MAD1L1: variants seen among roughly 807,000 people sequenced by gnomAD.
The protein encoded by MAD1L1 is mitotic spindle assembly checkpoint protein MAD1.
MAD1L1 carries 95 observed loss-of-function variants against 96.9 expected under a neutral mutation model. The ratio of observed to expected loss-of-function variants is 0.98; its 90% CI spans 0.83 to 1.16. The LOEUF (loss-of-function observed/expected upper bound fraction) is 1.16. MAD1L1 is among the 50% of genes most tolerant of loss of function. MAD1L1 has a pLI of 0.00. For missense variants in MAD1L1, 1,007 were observed against 954.4 expected (o/e 1.06, Z -0.73); for synonymous variants, 473 against 396.6 (o/e 1.19, Z -2.29).
chr7:2,097,237 C>T (rs569750622), intron 11 of MAD1L1, among the ~76,000 whole-genome samples: 42 of 152,146 alleles, frequency 2.8e-4, no homozygotes, highest in Non-Finnish European at 5.0e-4. Context: ...CACCCCACGG[C>T]ACCCAAGCAC....
intron 16 of MAD1L1, among the ~76,000 whole-genome samples, chr7:1,952,823 G>A (rs914209756): frequency 6.6e-6 from 1 of 152,248 alleles, no homozygotes; most frequent in African/African-American, 2.4e-5. Context: ...AGGTTCAGGA[G>A]AAAGAGCCGA....
At chr7:2,163,815 C>A (rs546240636) in intron 10 of MAD1L1, among the ~76,000 whole-genome samples, 43 of 152,260 alleles carry the variant, frequency 2.8e-4, no homozygotes, top group Non-Finnish European at 5.9e-4. Context: ...CCCCTCCTCA[C>A]CATGCGAATC....
chr7:2,046,444 G>A (rs1011942554), intron 12 of MAD1L1, among the ~76,000 whole-genome samples: 1 of 150,428 alleles, frequency 6.6e-6, no homozygotes, highest in Non-Finnish European at 1.5e-5. Flanking sequence ...GGCTCCGGCT[G>A]GGGCACTGCC....
intron 12 of MAD1L1, among the ~76,000 whole-genome samples, chr7:2,025,653 A>T (rs2128503898): frequency 6.6e-6 from 1 of 152,356 alleles, no homozygotes; most frequent in Non-Finnish European, 1.5e-5. Flanking sequence ...ATATAAATGA[A>T]TATACAAAAA....
At chr7:2,001,631 A>G (rs1781797585) in intron 14 of MAD1L1, among the ~76,000 whole-genome samples, 1 of 152,236 alleles carries the variant, frequency 6.6e-6, no homozygotes, top group Non-Finnish European at 1.5e-5. Flanking sequence ...GTCAGGACCC[A>G]TGCTGAGTGG....
At chr7:2,151,995 C>A (rs1399531957) in intron 10 of MAD1L1, among the ~76,000 whole-genome samples, 1 of 150,444 alleles carries the variant, frequency 6.6e-6, no homozygotes, top group Non-Finnish European at 1.5e-5. Context: ...TCCACATTCC[C>A]ACCGACTCTG....
intron 18 of MAD1L1, among the ~76,000 whole-genome samples, chr7:1,893,547 A>AG (rs1166089960): frequency 6.6e-6 from 1 of 152,126 alleles, no homozygotes. Context: ...TGGGTGGGGC[A>AG]GGGGGCCTGT....
At chr7:2,192,119 G>A (rs779391646) in intron 10 of MAD1L1, among the ~76,000 whole-genome samples, 2 of 151,842 alleles carry the variant, frequency 1.3e-5, no homozygotes, top group Non-Finnish European at 2.9e-5. Flanking sequence ...ATAAATCCAT[G>A]GGGTTTTTTG....
intron 15 of MAD1L1, among the ~76,000 whole-genome samples, chr7:1,966,745 G>A (rs1020469586): frequency 5.9e-5 from 9 of 152,232 alleles, no homozygotes; most frequent in Admixed American, 2.0e-4. Context: ...CGATTCGAGC[G>A]TCTGCAAATC....
At chr7:1,875,232 C>T (rs1203912569) in intron 18 of MAD1L1, among the ~76,000 whole-genome samples, 1 of 152,240 alleles carries the variant, frequency 6.6e-6, no homozygotes, top group African/African-American at 2.4e-5. Context: ...TGCCCGCCCC[C>T]ACGGCTGCAC....
chr7:2,012,103 A>G (rs1446442726), intron 13 of MAD1L1, among the ~76,000 whole-genome samples: 2 of 152,204 alleles, frequency 1.3e-5, no homozygotes, highest in Non-Finnish European at 2.9e-5. Flanking sequence ...GGGAGGGGCA[A>G]GGTCCGCAAC....
intron 2 of MAD1L1, 97 bp downstream of exon 2, chr7:2,230,452 C>T (rs1292697677): frequency 6.5e-6 from 2 of 306,240 alleles, no homozygotes; most frequent in Non-Finnish European, 1.3e-5. Context: ...GTGGCACGTC[C>T]CCCAACTGCA....
chr7:1,913,299 G>A (rs369181428), intron 17 of MAD1L1, among the ~76,000 whole-genome samples: 3 of 151,800 alleles, frequency 2.0e-5, no homozygotes, highest in Non-Finnish European at 2.9e-5. Flanking sequence ...GGTTCTGGGC[G>A]GGGTGGGTGC....
intron 18 of MAD1L1, chr7:1,838,566 G>C: frequency 2.8e-6 from 1 of 354,448 alleles, no homozygotes; most frequent in Non-Finnish European, 5.9e-6. Flanking sequence ...CTCAGCGAAA[G>C]ATGCCAGATG....
intron 10 of MAD1L1, among the ~76,000 whole-genome samples, chr7:2,211,901 A>T (rs1457335663): frequency 6.6e-6 from 1 of 152,236 alleles, no homozygotes; most frequent in African/African-American, 2.4e-5. Flanking sequence ...AGCAGGAAAG[A>T]CAGGCAAGAA....
chr7:2,046,388 C>T (rs926800770), intron 12 of MAD1L1, among the ~76,000 whole-genome samples: 3 of 152,196 alleles, frequency 2.0e-5, no homozygotes, highest in Non-Finnish European at 2.9e-5. Flanking sequence ...TGTCCTCCTC[C>T]TCCCAGGCCC....
chr7:2,092,941 A>G (rs1008257692), intron 11 of MAD1L1, among the ~76,000 whole-genome samples: 2 of 152,056 alleles, frequency 1.3e-5, no homozygotes, highest in Non-Finnish European at 2.9e-5. Flanking sequence ...CAGGTAATGC[A>G]TATAAAAGCA....
At chr7:2,037,771 C>T (rs1289866719) in intron 12 of MAD1L1, among the ~76,000 whole-genome samples, 1 of 152,068 alleles carries the variant, frequency 6.6e-6, no homozygotes, top group Non-Finnish European at 1.5e-5. Flanking sequence ...CAGCCATCTC[C>T]CTCCCTCCCT....
chr7:2,132,815 T>A (rs1346897684), intron 11 of MAD1L1, among the ~76,000 whole-genome samples: 2 of 152,230 alleles, frequency 1.3e-5, no homozygotes, highest in Non-Finnish European at 2.9e-5. Flanking sequence ...TACTGTGTGG[T>A]TCCCGACCCC....
Sources: allele counts gnomAD v4.1 joint callset (sites outside exome capture counted in the v4.1 genomes callset), GRCh38; gene constraint gnomAD v4.1.1; transcripts MANE v1.5; gene names NCBI Gene and HGNC (gene_info 2026-07-23, HGNC 2026-07-21).